CACNA1E: variants seen among roughly 807,000 people sequenced by gnomAD.
CACNA1E encodes the protein voltage-dependent R-type calcium channel subunit alpha-1E.
Under a neutral mutation model 259.2 loss-of-function variants are expected in CACNA1E, and 40 were observed. The ratio of observed to expected loss-of-function variants is 0.15; its 90% CI spans 0.12 to 0.20. The LOEUF (loss-of-function observed/expected upper bound fraction) is 0.20. CACNA1E is among the 10% of genes least tolerant of loss of function. The probability of loss-of-function intolerance (pLI) is 1.00; values close to 1 mark genes in which losing one functional copy is unlikely to be tolerated. For missense variants in CACNA1E, 1,874 were observed against 3,040.1 expected (o/e 0.62, Z 9.02); for synonymous variants, 1,104 against 1,138.5 (o/e 0.97, Z 0.61).
intron 1 of CACNA1E, among the ~76,000 whole-genome samples, chr1:181,385,770 ACTTCCCTCCCTCCTTTCTTCCCTC>A (rs1557960390): frequency 4.9e-5 from 6 of 123,360 alleles, no homozygotes; most frequent in African/African-American, 1.9e-4. Context: ...CTCCTCTCTT[ACTTCCCTCCCTCCTTTCTTCCCTC>A]CCTCCCTCCC....
At chr1:181,517,684 C>T (rs1666694230) in intron 3 of CACNA1E, among the ~76,000 whole-genome samples, 1 of 152,008 alleles carries the variant, frequency 6.6e-6, no homozygotes. Context: ...CTGCCGTCCT[C>T]ATCCCCAGCT....
intron 1 of CACNA1E, among the ~76,000 whole-genome samples, chr1:181,396,322 C>T (rs940885294): frequency 2.0e-5 from 3 of 152,214 alleles, no homozygotes; most frequent in Admixed American, 6.5e-5. Context: ...GGGAGGGGAC[C>T]GCACAAAGGT....
rs1227165914 is a variant in CACNA1E at position 181,494,902 on chromosome 1, G to A, written c.266+10892G>A. ...ATCATCAGTGTATTAGTCAGTGTGC[G>A]TTGACCGTTCAGCTTTTCTCAAGTA... On this transcript the variant is annotated intron_variant, in intron 1 of 47. Coordinates refer to ENST00000367573, the MANE Select transcript of CACNA1E (RefSeq NM_001205293.3). Among the ~76,000 whole-genome samples the A allele has an allele frequency of 3.9e-5, 6 of 152,168 alleles. No homozygotes were observed. In the East Asian group the frequency reaches 5.8e-4, roughly 15 times the overall value.
rs745542051 is a variant in CACNA1E, at chr1:181,718,099, T to A, written c.1570T>A (p.Ser524Thr). 6.2e-6 allele frequency: 10 copies of A among 1,609,764 alleles called. No individual in the cohort carries two copies. The South Asian group carries it at 1.1e-4, about 18-fold the overall frequency. Reference protein sequence around the residue: ...LFLGLFLLEMSLKMYGMGPRL... With the variant: ...LFLGLFLLEMTLKMYGMGPRL... ...TCTGGGACTCTTCCTCTTGGAGATGTCCCTGAAGATGTATGGCATGGGGCC... is the reference window on the plus strand; with the variant it reads ...TCTGGGACTCTTCCTCTTGGAGATGACCCTGAAGATGTATGGCATGGGGCC... The change falls in exon 12 of 48, where the codon TCC (serine) becomes ACC (threonine). Residue 524 changes from serine to threonine, a missense_variant. Transcript: ENST00000367573.
chr1:181,706,272 G>A (rs574592530), intron 7 of CACNA1E, among the ~76,000 whole-genome samples: 14 of 152,178 alleles, frequency 9.2e-5, no homozygotes, highest in South Asian at 8.3e-4. Flanking sequence ...CTAAATAACC[G>A]TAATATGCAT....
chr1:181,763,258 G>A, intron 33 of CACNA1E, 148 bp from the exon 34 acceptor site: 2 of 638,728 alleles, frequency 3.1e-6, no homozygotes, highest in Non-Finnish European at 5.3e-6. Context: ...GGCCTCACTG[G>A]CCAGCCCATC....
Position 181,718,098 on chromosome 1 carries a change from G to A in CACNA1E, c.1569G>A (p.Met523Ile), listed in dbSNP as rs144517660. The change falls in exon 12 of 48, where the codon ATG becomes ATA. Residue 523 changes from methionine (M) to isoleucine (I), a missense_variant. Met to Ile is a conservative substitution (Grantham distance 10). Around this residue, in one of 14 missense-constraint regions of CACNA1E, gnomAD observed 102 missense variants for 279.4 expected, o/e 0.37. Transcript: ENST00000367573. ...FLFLGLFLLE[M>I]SLKMYGMGPR... ...TTCTGGGACTCTTCCTCTTGGAGAT[G>A]TCCCTGAAGATGTATGGCATGGGGC... 216 of 1,609,616 alleles carry A rather than the reference G, an allele frequency of 1.3e-4. No homozygotes were observed. The highest frequency in any genetic ancestry group is 3.3e-4 in the Middle Eastern group (2 of 6,058).
intron 7 of CACNA1E, among the ~76,000 whole-genome samples, chr1:181,686,615 A>G (rs1342459072): frequency 6.6e-6 from 1 of 152,142 alleles, no homozygotes; most frequent in Non-Finnish European, 1.5e-5. Context: ...GGATGGCTTC[A>G]CGTCTGAGTT....
intron 7 of CACNA1E, among the ~76,000 whole-genome samples, chr1:181,697,507 C>A (rs1651828792): frequency 1.3e-5 from 2 of 152,222 alleles, no homozygotes; most frequent in Admixed American, 1.3e-4. Flanking sequence ...GATATCAATA[C>A]CACATCTTCC....
intron 24 of CACNA1E, among the ~76,000 whole-genome samples, chr1:181,738,688 G>A (rs1656284455): frequency 6.6e-6 from 1 of 152,212 alleles, no homozygotes. Context: ...GACAGGGTTG[G>A]GGCCTGCACT....
At chr1:181,353,201 G>A (rs1653171419) in intron 1 of CACNA1E, among the ~76,000 whole-genome samples, 1 of 152,174 alleles carries the variant, frequency 6.6e-6, no homozygotes, top group South Asian at 2.1e-4. Context: ...ATCTCCCTGA[G>A]ATCCTTTGAG....
At chr1:181,652,495 C>T (rs1330531009) in intron 7 of CACNA1E, among the ~76,000 whole-genome samples, 1 of 152,134 alleles carries the variant, frequency 6.6e-6, no homozygotes, top group Non-Finnish European at 1.5e-5. Context: ...AAGATGTCAA[C>T]AACATTTTTG....
intron 35 of CACNA1E, among the ~76,000 whole-genome samples, chr1:181,769,437 CT>C (rs2102755229): frequency 6.8e-6 from 1 of 147,472 alleles, no homozygotes; most frequent in Non-Finnish European, 1.5e-5. Context: ...TTTTGTTCTG[CT>C]TTTTGGTTTT....
intron 1 of CACNA1E, among the ~76,000 whole-genome samples, chr1:181,380,648 G>A (rs374795787): frequency 2.7e-4 from 41 of 152,204 alleles, no homozygotes; most frequent in African/African-American, 5.5e-4. Context: ...CCTTAACAAG[G>A]CACCACTACA....
chr1:181,765,955 T>G (rs2102736852), intron 34 of CACNA1E, among the ~76,000 whole-genome samples: 1 of 152,338 alleles, frequency 6.6e-6, no homozygotes, highest in South Asian at 2.1e-4. Context: ...AGTTTTTTGG[T>G]GGCTAACTTA....
At chr1:181,771,219 T>C (rs928590677) in intron 35 of CACNA1E, 74 bp from the exon 36 acceptor site, 66 of 819,134 alleles carry the variant, frequency 8.1e-5, no homozygotes, top group Non-Finnish European at 1.3e-4. Context: ...CAAGTGGCTT[T>C]GCCAACCCTC....
intron 6 of CACNA1E, among the ~76,000 whole-genome samples, chr1:181,622,580 T>A (rs1448353417): frequency 6.6e-6 from 1 of 152,218 alleles, no homozygotes; most frequent in Non-Finnish European, 1.5e-5. Context: ...ACAAGTTTAC[T>A]TTTCTTGTAA....
chr1:181,362,727 G>A (rs146045572), intron 1 of CACNA1E, among the ~76,000 whole-genome samples: 25 of 152,356 alleles, frequency 1.6e-4, no homozygotes, highest in Admixed American at 6.5e-4. Context: ...AGGAATTAGA[G>A]TGAAATATGA....
At chr1:181,708,432 G>A (rs1315447829) in intron 7 of CACNA1E, among the ~76,000 whole-genome samples, 5 of 152,138 alleles carry the variant, frequency 3.3e-5, no homozygotes, top group Non-Finnish European at 7.4e-5. Flanking sequence ...TTCTGAGCTG[G>A]AAAATGGATA....
Sources: allele counts gnomAD v4.1 joint callset (sites outside exome capture counted in the v4.1 genomes callset), GRCh38; gene constraint gnomAD v4.1.1; regional missense constraint gnomAD v4.1.1; transcripts MANE v1.5; gene names NCBI Gene and HGNC (gene_info 2026-07-23, HGNC 2026-07-21).